The following ELF2 variants were observed in gnomAD, a reference collection of about 807,000 sequenced individuals.
ELF2 encodes the protein ETS-related transcription factor Elf-2.
A neutral mutation model predicts 54.8 loss-of-function variants in ELF2; 11 were observed. The observed-to-expected ratio is 0.20, with a 90% CI of 0.13 to 0.33. The LOEUF (loss-of-function observed/expected upper bound fraction) is 0.33, where lower values mean the gene tolerates loss of function less well. Ranked by LOEUF, ELF2 falls within the 10% of genes least tolerant of loss-of-function variation. ELF2 has a pLI of 1.00. For synonymous variants in ELF2, 203 were observed against 245.1 expected (o/e 0.83, Z 1.61); for missense variants, 513 against 703.0 (o/e 0.73, Z 3.06).
chr4:139,058,803 T>G lies in ELF2; in HGVS notation c.*180A>C. On this transcript the variant is annotated 3_prime_UTR_variant, in exon 10 of 10. Transcript: ENST00000686138. ...GCAGTTTTCTGTCAGCATCTCAATA[T>G]GTAGTTCATTTCCCACTGAAACATG... is the stretch of plus-strand genomic sequence containing the variant. 1.2e-6 allele frequency: 1 copy of G among 808,008 alleles called. No homozygotes were observed. The highest frequency in any genetic ancestry group is 1.8e-6 in the Non-Finnish European group (1 of 541,272). 50.1% of individuals were successfully genotyped at this position (808,008 alleles called of 1,614,324 possible).
chr4:139,106,990 C>T (rs540223329), intron 4 of ELF2, among the ~76,000 whole-genome samples: 2 of 152,186 alleles, frequency 1.3e-5, no homozygotes, highest in East Asian at 3.9e-4. Flanking sequence ...AGGTGTTTCA[C>T]CTGCTTCGGC....
At chr4:139,132,835 A>G (rs1484053740) in intron 3 of ELF2, among the ~76,000 whole-genome samples, 1 of 83,002 alleles carries the variant, frequency 1.2e-5, no homozygotes, top group African/African-American at 5.2e-5. Context: ...TGGTTATATT[A>G]CTTTACATAT....
At chr4:139,070,640 A>C (rs1376721530) in intron 6 of ELF2, among the ~76,000 whole-genome samples, 2 of 152,198 alleles carry the variant, frequency 1.3e-5, no homozygotes, top group Non-Finnish European at 2.9e-5. Context: ...CTCTCATTGG[A>C]TGCAACCAGC....
chr4:139,067,916 G>A, intron 6 of ELF2, 146 bp from the exon 7 acceptor site: 1 of 741,236 alleles, frequency 1.3e-6, no homozygotes, highest in Non-Finnish European at 2.1e-6. Context: ...GCTTCTAAAA[G>A]GAGTATTACA....
intron 1 of ELF2, among the ~76,000 whole-genome samples, chr4:139,174,588 C>T (rs1310942666): frequency 7.1e-6 from 1 of 141,354 alleles, no homozygotes; most frequent in Non-Finnish European, 1.6e-5. Context: ...CAATGAGGTA[C>T]AGAAACTACT....
chr4:139,102,820 G>A (rs984802079), intron 4 of ELF2, among the ~76,000 whole-genome samples: 15 of 152,262 alleles, frequency 9.9e-5, no homozygotes, highest in South Asian at 4.1e-4. Flanking sequence ...CAGCCTGGGC[G>A]ACAGAGCAAG....
chr4:139,171,099 A>G (rs1008660442), intron 1 of ELF2, among the ~76,000 whole-genome samples: 4 of 152,164 alleles, frequency 2.6e-5, no homozygotes, highest in Non-Finnish European at 4.4e-5. Flanking sequence ...TGTCATCAAA[A>G]AAGATGGGTC....
intron 7 of ELF2, among the ~76,000 whole-genome samples, chr4:139,064,051 G>A (rs544145068): frequency 2.6e-5 from 4 of 152,336 alleles, no homozygotes; most frequent in African/African-American, 7.2e-5. Context: ...GCTCACGCCT[G>A]TAATCCCAGC....
At chr4:139,135,277 GTGTA>G (rs1257189988) in intron 3 of ELF2, among the ~76,000 whole-genome samples, 163 of 136,198 alleles carry the variant, frequency 1.2e-3, no homozygotes, top group African/African-American at 3.1e-3. Flanking sequence ...GTGTGTGTGT[GTGTA>G]TATATGAATG....
intron 3 of ELF2, among the ~76,000 whole-genome samples, chr4:139,130,599 G>T (rs1476264015): frequency 6.6e-6 from 1 of 152,084 alleles, no homozygotes; most frequent in African/African-American, 2.4e-5. Flanking sequence ...AGAACAAGTT[G>T]TTTGCCTAAT....
At chr4:139,135,237 ATGTGTGTGTGTGTGTGTG>A (rs61122327) in intron 3 of ELF2, among the ~76,000 whole-genome samples, 6 of 112,478 alleles carry the variant, frequency 5.3e-5, no homozygotes, top group Admixed American at 2.7e-4. Flanking sequence ...TACTATATAT[ATGTGTGTGTGTGTGTGTG>A]TGTGTGTGTG....
In ELF2 at chr4:139,110,752, A is replaced by G. The variant is rs143049947; in HGVS notation, c.238+14412T>C. Among the ~76,000 whole-genome samples, 59 of 152,320 alleles carry G rather than the reference A, an allele frequency of 3.9e-4. No individual in the cohort carries two copies. In the East Asian group the frequency reaches 6.2e-3, roughly 16 times the overall value. ...TATCTAAATCCCTATAAAAATGAGA[A>G]CTTGTCACTAATAGGCCAACCTACT... On this transcript the variant is annotated intron_variant, in intron 4 of 9. Coordinates refer to ENST00000686138, the MANE Select transcript of ELF2 (RefSeq NM_001331036.3).
At chr4:139,177,847 G>A (rs1033571117), upstream of ELF2, among the ~76,000 whole-genome samples, 8 of 152,158 alleles carry the variant, frequency 5.3e-5, no homozygotes, top group South Asian at 1.4e-3. Flanking sequence ...ACAGGGGGGC[G>A]AGGTTTTGCA....
chr4:139,098,948 C>A (rs1461967641), intron 4 of ELF2, among the ~76,000 whole-genome samples: 2 of 152,074 alleles, frequency 1.3e-5, no homozygotes, highest in African/African-American at 4.8e-5. Context: ...TTTATTATTT[C>A]TATTCCATCA....
rs778834002 is a variant in ELF2, at chr4:139,059,181, T to C, written c.1584A>G (p.Ala528=). 3.7e-6 allele frequency: 6 copies of C among 1,613,986 alleles called. No individual in the cohort carries two copies. The highest frequency in any genetic ancestry group is 5.1e-6 in the Non-Finnish European group (6 of 1,179,866). ...ATTTAACCTCTGGCCCCTTTATGAC[T>C]GCACTGATAACTCGAGGAGGAGTCT... The part of the protein sequence containing the change: ...SGQTPPRVIS[A]VIKGPEVKSE... Residue 528 remains alanine, a synonymous_variant, in exon 10 of 10, where the codon GCA becomes GCG. Transcript: ENST00000686138.
chr4:139,110,809 CTTCT>C (rs961758356), intron 4 of ELF2, among the ~76,000 whole-genome samples: 12 of 152,160 alleles, frequency 7.9e-5, no homozygotes, highest in Non-Finnish European at 1.8e-4. Flanking sequence ...TAAAAGATCA[CTTCT>C]TTTTGGCAAT....
intron 4 of ELF2, chr4:139,084,370 G>A (rs1418930301): frequency 2.7e-6 from 4 of 1,470,300 alleles, no homozygotes; most frequent in African/African-American, 2.8e-5. Context: ...GCCGAGGCCG[G>A]CCCGCCTCCC....
chr4:139,171,699 G>A (rs1298170372), intron 1 of ELF2, among the ~76,000 whole-genome samples: 2 of 152,148 alleles, frequency 1.3e-5, no homozygotes, highest in East Asian at 1.9e-4. Flanking sequence ...CAAGGCAGGA[G>A]GACTGCCTGA....
intron 1 of ELF2, among the ~76,000 whole-genome samples, chr4:139,147,637 A>C (rs78679200): frequency 6.6e-6 from 1 of 151,774 alleles, no homozygotes; most frequent in Middle Eastern, 3.4e-3. Flanking sequence ...GCGCCCAGCT[A>C]ATTTTTTTTT....
Sources: gnomAD v4.1 joint callset for allele counts (sites outside exome capture counted in the v4.1 genomes callset) on GRCh38, gnomAD v4.1.1 for gene constraint, MANE v1.5 for transcripts, NCBI Gene and HGNC (gene_info 2026-07-23, HGNC 2026-07-21) for gene names.